The following ITPR3 variants were observed in gnomAD, a reference collection of about 807,000 sequenced individuals.
The protein encoded by ITPR3 is inositol 1,4,5-trisphosphate receptor type 3.
Under a neutral mutation model 293.2 loss-of-function variants are expected in ITPR3, and 173 were observed. The observed-to-expected ratio is 0.59, with a 90% CI of 0.52 to 0.67. The LOEUF (loss-of-function observed/expected upper bound fraction) is 0.67. Ranked by LOEUF, ITPR3 falls within the 30% of genes least tolerant of loss-of-function variation. The pLI, the probability that ITPR3 is intolerant of heterozygous loss-of-function variation, is 0.00. For synonymous variants in ITPR3, 1,295 were observed against 1,444.4 expected, an observed-to-expected ratio of 0.90 and a Z score of 2.35; for missense variants, 2,796 against 3,592.1, an observed-to-expected ratio of 0.78 and a Z score of 5.66.
intron 1 of ITPR3, among the ~76,000 whole-genome samples, chr6:33,628,638 A>G (rs942327557): frequency 6.6e-6 from 1 of 152,216 alleles, no homozygotes; most frequent in Non-Finnish European, 1.5e-5. Flanking sequence ...CACATGCCAC[A>G]TTACAGAGGG....
chr6:33,632,626 G>A lies in ITPR3; in HGVS notation c.90-7858G>A, dbSNP rs1763708812. Reference sequence around the variant, plus strand: ...GCTGTCAACCAGCTCCTCTCCAGAGGGCCCAGAACAGCCCTGCCTGCCCAC... The same window carrying A: ...GCTGTCAACCAGCTCCTCTCCAGAGAGCCCAGAACAGCCCTGCCTGCCCAC... On this transcript the variant is annotated intron_variant, in intron 1 of 57. Transcript: ENST00000605930. This position sits in a 1 kb window ranked among gnomAD's most constrained non-coding sequence, Gnocchi z 4.1. Among the ~76,000 whole-genome samples, 1 of 152,188 alleles carries A rather than the reference G, an allele frequency of 6.6e-6. No individual in the cohort carries two copies. The highest frequency in any genetic ancestry group is 2.4e-5 in the African/African-American group (1 of 41,438).
chr6:33,675,680 T>C lies in ITPR3; in HGVS notation c.3117-11T>C. 5 of 1,589,666 alleles carry C rather than the reference T, an allele frequency of 3.1e-6. No individual in the cohort carries two copies. The highest frequency in any genetic ancestry group is 2.3e-5 in the East Asian group (1 of 44,444). ...GTCTCACCCATGCGCCCTGCACCCT[T>C]GTGCCCGCAGGAAGACAAGCAGCAT... On this transcript the variant is annotated splice_polypyrimidine_tract_variant and intron_variant, in intron 24 of 57. Coordinates refer to ENST00000605930, the MANE Select transcript of ITPR3 (RefSeq NM_002224.4). This position sits in a 1 kb window ranked among gnomAD's most constrained non-coding sequence, Gnocchi z 5.0.
Position 33,669,170 on chromosome 6 carries a change from G to A in ITPR3, c.2189+14G>A, listed in dbSNP as rs1301116905. 3 of 1,610,066 alleles carry A rather than the reference G, an allele frequency of 1.9e-6. No homozygotes were observed. Among genetic ancestry groups the A allele is most frequent in the Non-Finnish European group, 1.7e-6 (2 of 1,178,138 alleles). On this transcript the variant is annotated intron_variant, in intron 18 of 57. Coordinates refer to ENST00000605930, the MANE Select transcript of ITPR3 (RefSeq NM_002224.4). ...CAGCTACTACAGGTGCCCCGCCCCA[G>A]CTCCTCCCCTCCCTCTTCCTGTGCC...
intron 1 of ITPR3, among the ~76,000 whole-genome samples, chr6:33,636,822 T>G (rs1763834043): frequency 6.6e-6 from 1 of 152,000 alleles, no homozygotes; most frequent in Non-Finnish European, 1.5e-5. Context: ...GTGGTCAAGA[T>G]GCCCAACGAC....
chr6:33,680,852 ACT>A (rs373609212), intron 33 of ITPR3, among the ~76,000 whole-genome samples, 172 bp downstream of exon 33: 2,584 of 135,692 alleles, frequency 0.019, 74 homozygotes, highest in African/African-American at 0.066. Context: ...ATGGAGTTTC[ACT>A]CTGTCGCCCA....
At chr6:33,626,160 C>T (rs1204624192) in intron 1 of ITPR3, among the ~76,000 whole-genome samples, 1 of 152,150 alleles carries the variant, frequency 6.6e-6, no homozygotes, top group African/African-American at 2.4e-5. Flanking sequence ...ATCTAAAACT[C>T]CTGGGCTCAA....
At chr6:33,637,241 G>A (rs10947418) in intron 1 of ITPR3, among the ~76,000 whole-genome samples, 20,462 of 152,064 alleles carry the variant, frequency 0.13, 1,846 homozygotes, top group Middle Eastern at 0.22. Flanking sequence ...TTGCAAGTCC[G>A]GGCTTCTGGT....
In ITPR3 at chr6:33,668,611, C is replaced by T; in HGVS notation, c.1983C>T (p.Asn661=). The T allele has an allele frequency of 1.2e-6, 2 of 1,614,244 alleles. No individual in the cohort carries two copies. Among genetic ancestry groups the T allele is most frequent in the Non-Finnish European group, 1.7e-6 (2 of 1,180,046 alleles). ...LICKCVLDPK[N]SDILIRTELR... is the part of the protein sequence containing the mutation. ...GCAAGTGTGTGCTGGACCCCAAGAACAGTGACATTCTCATCCGGACCGAGT... is the reference window on the plus strand; with the variant it reads ...GCAAGTGTGTGCTGGACCCCAAGAATAGTGACATTCTCATCCGGACCGAGT... Residue 661 remains asparagine (N), a synonymous_variant, in exon 17 of 58, where the codon AAC becomes AAT. Coordinates refer to ENST00000605930, the MANE Select transcript of ITPR3 (RefSeq NM_002224.4).
intron 7 of ITPR3, among the ~76,000 whole-genome samples, chr6:33,659,937 C>T (rs899119797): frequency 2.0e-5 from 3 of 152,298 alleles, no homozygotes; most frequent in Admixed American, 6.5e-5. Flanking sequence ...CATTGGCAAG[C>T]GAGTGAGGCT....
At chr6:33,659,360 C>T in intron 6 of ITPR3, 106 bp from the exon 7 acceptor site, 1 of 1,079,630 alleles carries the variant, frequency 9.3e-7, no homozygotes, top group East Asian at 2.4e-5. Context: ...GACACCCTGT[C>T]CTTGTGCTGT....
Position 33,667,258 on chromosome 6 carries a change from C to T in ITPR3, c.1681C>T (p.Arg561Trp). The T allele has an allele frequency of 1.2e-6, 2 of 1,613,118 alleles. No homozygotes were observed. The highest frequency in any genetic ancestry group is 2.2e-5 in the East Asian group (1 of 44,876). The change falls in exon 15 of 58, where the codon CGG becomes TGG. Residue 561 changes from arginine to tryptophan, a missense_variant. By Grantham distance (101) the Arg-to-Trp change is moderately radical. Around this residue, in one of 8 missense-constraint regions of ITPR3, gnomAD observed 955 missense variants for 1,180.8 expected, o/e 0.81. Transcript: ENST00000605930. The surrounding 1 kb of genome is among the most constrained non-coding windows in gnomAD (Gnocchi z 4.4). ...GTTCCGCCTGTGCTACCGCGTGTTG[C>T]GGCATTCCCAGGAGGACTACCGCAA... Reference protein sequence around the residue: ...HMFRLCYRVLRHSQEDYRKNQ... With the variant: ...HMFRLCYRVLWHSQEDYRKNQ...
rs748769128 is a variant in ITPR3, at chr6:33,677,539, G to A, written c.3558G>A (p.Gly1186=). The change falls in exon 28 of 58, where the codon GGG becomes GGA. Residue 1186 remains glycine (G), a synonymous_variant. Transcript: ENST00000605930. ...LERLNKMCGV[G]EQMRKKQQRL... ...GGCTGAACAAGATGTGCGGGGTTGGGGAGCAAATGAGGAAGAAGCAGCAAC... is the reference window on the plus strand; with the variant it reads ...GGCTGAACAAGATGTGCGGGGTTGGAGAGCAAATGAGGAAGAAGCAGCAAC... The A allele has an allele frequency of 1.7e-5, 28 of 1,613,986 alleles. No homozygotes were observed. Among genetic ancestry groups the A allele is most frequent in the Non-Finnish European group, 2.2e-5 (26 of 1,179,958 alleles).
rs141430626 is a variant in ITPR3, at chr6:33,662,272, C to T, written c.712-256C>T. 4.7e-3 allele frequency among the ~76,000 whole-genome samples: 719 copies of T among 152,000 alleles called. 6 individuals carry two copies. Among genetic ancestry groups the T allele is most frequent in the African/African-American group, 0.012 (513 of 41,448 alleles). On this transcript the variant is annotated intron_variant, in intron 7 of 57. Coordinates refer to ENST00000605930, the MANE Select transcript of ITPR3 (RefSeq NM_002224.4). ...AGGTACACATAGGGAGAGAGGTGGT[C>T]CAGGGTGGGTTTGAACATGGGAAGG...
chr6:33,695,527 T>A, intron 57 of ITPR3, 185 bp from the exon 58 acceptor site: 1 of 625,514 alleles, frequency 1.6e-6, no homozygotes, highest in Admixed American at 2.8e-5. Context: ...ACACGCTAAT[T>A]GAGAACAAGG....
In ITPR3 at chr6:33,693,329, T is replaced by C. The variant is rs3818529; in HGVS notation, c.7625-216T>C. On this transcript the variant is annotated intron_variant, in intron 55 of 57. Transcript: ENST00000605930. ...GTTTACTCCTGGAGTCCTCGGTTGCTGCTGCGGGAGGGCTGCAGCTGCGGC... is the reference window on the plus strand; with the variant it reads ...GTTTACTCCTGGAGTCCTCGGTTGCCGCTGCGGGAGGGCTGCAGCTGCGGC... 0.47 allele frequency among the ~76,000 whole-genome samples: 71,652 copies of C among 152,068 alleles called. 18,415 individuals carry two copies. The highest frequency in any genetic ancestry group is 0.9 in the East Asian group (4,667 of 5,168).
At chr6:33,657,476 T>G (rs1411585052) in intron 3 of ITPR3, among the ~76,000 whole-genome samples, 3 of 126,724 alleles carry the variant, frequency 2.4e-5, no homozygotes, top group South Asian at 2.5e-4. Context: ...GTGGGGGTGG[T>G]GGTGGGAGCC....
rs769118505 is a variant in ITPR3, at chr6:33,684,318, G to T, written c.4938-39G>T. On this transcript the variant is annotated intron_variant, in intron 36 of 57. Coordinates refer to ENST00000605930, the MANE Select transcript of ITPR3 (RefSeq NM_002224.4). This position sits in a 1 kb window ranked among gnomAD's most constrained non-coding sequence, Gnocchi z 4.2. ...GTGGGGAAGTAGCTGGAGGGAGGCA[G>T]TGTGGGGCTGCCCTGAGCTGCCTCC... The T allele has an allele frequency of 2.1e-5, 34 of 1,601,434 alleles. No homozygotes were observed. Among genetic ancestry groups the T allele is most frequent in the African/African-American group, 4.0e-5 (3 of 74,636 alleles).
intron 7 of ITPR3, 52 bp downstream of exon 7, chr6:33,659,601 C>T (rs772484912): frequency 1.4e-6 from 2 of 1,469,088 alleles, no homozygotes; most frequent in South Asian, 1.1e-5. Context: ...GCCCTCCCCA[C>T]CAGGGCCCTC....
rs766265004 is a variant in ITPR3 at position 33,662,922 on chromosome 6, C to T, written c.870C>T (p.His290=). The change falls in exon 9 of 58, where the codon CAC becomes CAT. Residue 290 remains histidine, a synonymous_variant. Transcript: ENST00000605930. ...NALWEVEVVH[H]DPCRGGAGHW... is the part of the protein sequence containing the mutation. ...CTGTGTGCCCCTAGGTGGTCCACCA[C>T]GACCCCTGCCGTGGAGGAGCTGGGC... 1.6e-5 allele frequency: 25 copies of T among 1,596,366 alleles called. No individual in the cohort carries two copies. Among genetic ancestry groups the T allele is most frequent in the Admixed American group, 5.2e-5 (3 of 57,754 alleles).
Sources: allele counts gnomAD v4.1 joint callset (sites outside exome capture counted in the v4.1 genomes callset), GRCh38; gene constraint gnomAD v4.1.1; regional missense constraint gnomAD v4.1.1; non-coding constraint Gnocchi (gnomAD v3.1); transcripts MANE v1.5; gene names NCBI Gene and HGNC (gene_info 2026-07-23, HGNC 2026-07-21).